Variants in NF1 observed in about 807,000 individuals in gnomAD.
NF1 encodes the protein neurofibromin 1, also known as neurofibromin.
NF1 carries 122 observed loss-of-function variants against 325.7 expected under a neutral mutation model. That is an observed-to-expected ratio of 0.37 (90% confidence interval 0.32 to 0.44). The LOEUF (loss-of-function observed/expected upper bound fraction) is 0.44, where lower values mean the gene tolerates loss of function less well. NF1 is among the 20% of genes least tolerant of loss of function. The probability of loss-of-function intolerance (pLI) is 1.00; values close to 1 mark genes in which losing one functional copy is unlikely to be tolerated. For missense variants in NF1, 2,140 were observed against 3,415.4 expected (o/e 0.63, Z 9.31); for synonymous variants, 1,091 against 1,186.0 (o/e 0.92, Z 1.65).
chr17:31,314,577 C>T (rs1352982125), intron 36 of NF1: 1 of 152,178 alleles, frequency 6.6e-6, no homozygotes, highest in African/African-American at 2.4e-5. Flanking sequence ...GTTATTTCCT[C>T]ATAATATAAA....
intron 1 of NF1, among the ~76,000 whole-genome samples, chr17:31,098,191 C>T (rs541216937): frequency 4.4e-4 from 66 of 150,800 alleles, no homozygotes; most frequent in African/African-American, 9.7e-4. Context: ...GTTCACCTTA[C>T]GGTTGAAAAT....
chr17:31,159,335 C>T (rs186599717), intron 3 of NF1, among the ~76,000 whole-genome samples: 2 of 152,236 alleles, frequency 1.3e-5, no homozygotes, highest in East Asian at 3.9e-4. Flanking sequence ...GTTTCAGCCA[C>T]GTATCTGTCT....
At chr17:31,210,047 T>C (rs749040442) in intron 12 of NF1, among the ~76,000 whole-genome samples, 1 of 152,190 alleles carries the variant, frequency 6.6e-6, no homozygotes, top group African/African-American at 2.4e-5. Flanking sequence ...AACAAATGCA[T>C]GGTTAATGAA....
intron 36 of NF1, among the ~76,000 whole-genome samples, chr17:31,308,595 A>G (rs1178843605): frequency 6.6e-6 from 1 of 152,056 alleles, no homozygotes; most frequent in Non-Finnish European, 1.5e-5. Flanking sequence ...CCTGCTAAAC[A>G]GACACTTCTA....
At chr17:31,304,546 G>T in intron 36 of NF1, 1 of 1,614,180 alleles carries the variant, frequency 6.2e-7, no homozygotes. Context: ...GGGTTTGTCA[G>T]ATTGGTTACT....
chr17:31,330,570 G>C, intron 39 of NF1, 72 bp downstream of exon 39: 1 of 1,172,232 alleles, frequency 8.5e-7, no homozygotes, highest in Non-Finnish European at 1.2e-6. Flanking sequence ...TTTCATTTCA[G>C]AATTTTCCAG....
intron 36 of NF1, among the ~76,000 whole-genome samples, chr17:31,270,425 A>C (rs2067870727): frequency 6.6e-6 from 1 of 152,176 alleles, no homozygotes; most frequent in Admixed American, 6.5e-5. Context: ...CTTGGGCAGC[A>C]TGGTGAAACC....
chr17:31,145,933 G>A (rs896408671), intron 1 of NF1, among the ~76,000 whole-genome samples: 12 of 152,148 alleles, frequency 7.9e-5, no homozygotes, highest in African/African-American at 2.9e-4. Flanking sequence ...TTATCCATGT[G>A]GAGAAACCAA....
At chr17:31,136,290 C>G (rs1258209583) in intron 1 of NF1, 1 of 137,148 alleles carries the variant, frequency 7.3e-6, no homozygotes, top group Admixed American at 8.2e-5. Context: ...GATTGTGCCA[C>G]TGCACTCCAG....
At chr17:31,326,512 G>A (rs1011669551) in intron 37 of NF1, among the ~76,000 whole-genome samples, 6 of 152,116 alleles carry the variant, frequency 3.9e-5, no homozygotes, top group Non-Finnish European at 8.8e-5. Flanking sequence ...GCCGGGTATG[G>A]TGGTGGGCAC....
intron 51 of NF1, among the ~76,000 whole-genome samples, chr17:31,355,422 G>A (rs1434323415): frequency 6.6e-6 from 1 of 152,032 alleles, no homozygotes; most frequent in Non-Finnish European, 1.5e-5. Context: ...CCTTTGGACT[G>A]TTAAATTATT....
At chr17:31,148,758 T>G (rs930281515) in intron 1 of NF1, among the ~76,000 whole-genome samples, 1 of 152,126 alleles carries the variant, frequency 6.6e-6, no homozygotes, top group African/African-American at 2.4e-5. Flanking sequence ...GTTCCTCTCT[T>G]TATACCATTA....
chr17:31,112,411 T>C (rs910595451), intron 1 of NF1, among the ~76,000 whole-genome samples: 2 of 152,212 alleles, frequency 1.3e-5, no homozygotes, highest in Non-Finnish European at 2.9e-5. Flanking sequence ...CAGCAGTATA[T>C]GAGAGTTTCA....
intron 57 of NF1, among the ~76,000 whole-genome samples, chr17:31,366,737 A>G (rs1032237662): frequency 6.6e-6 from 1 of 152,220 alleles, no homozygotes; most frequent in Non-Finnish European, 1.5e-5. Flanking sequence ...AAAGAAGGAA[A>G]AGAAATATCT....
intron 42 of NF1, 37 bp from the exon 43 acceptor site, chr17:31,337,331 A>G (rs2151555814): frequency 6.7e-7 from 1 of 1,499,622 alleles, no homozygotes; most frequent in Non-Finnish European, 9.3e-7. Context: ...AAAAAGTAAT[A>G]TTTTCTGTCT....
At chr17:31,345,822 A>G in intron 48 of NF1, 1 of 1,614,112 alleles carries the variant, frequency 6.2e-7, no homozygotes, top group Non-Finnish European at 8.5e-7. Context: ...AGCCCTGGAC[A>G]AAATCTGTGA....
At chr17:31,201,930 A>G (rs1452020396) in intron 11 of NF1, among the ~76,000 whole-genome samples, 1 of 152,206 alleles carries the variant, frequency 6.6e-6, no homozygotes, top group Non-Finnish European at 1.5e-5. Flanking sequence ...TGATGGGACT[A>G]TATTTGATGG....
In NF1 at chr17:31,117,590, G is replaced by A. The variant is rs1009096182; in HGVS notation, c.60+22221G>A. ...CGGGAGGCTGAGACAGGAGAATGAC[G>A]TGAACACGGGAGGCGGAGCTTGCAG... On this transcript the variant is annotated intron_variant, in intron 1 of 57. Transcript: ENST00000358273. 2.8e-5 allele frequency among the ~76,000 whole-genome samples: 4 copies of A among 143,170 alleles called. No homozygotes were observed. In the South Asian group the frequency reaches 6.6e-4, roughly 24 times the overall value. 93.9% of individuals were successfully genotyped at this position (143,170 alleles called of 152,430 possible).
chr17:31,377,100 G>T lies in NF1; in HGVS notation c.*2945G>T. 1 of 233,416 alleles carries T rather than the reference G, an allele frequency of 4.3e-6. No individual in the cohort carries two copies. Among genetic ancestry groups the T allele is most frequent in the East Asian group, 6.0e-5 (1 of 16,594 alleles). The allele number at this position is 233,416 out of a possible 1,614,324, so 14.5% of individuals were successfully genotyped here. Reference sequence around the variant, plus strand: ...TTTCTACATCCTTCCCCGACTCCCAGGCATAATGAGGCATGTCTTACTCAA... The same window carrying T: ...TTTCTACATCCTTCCCCGACTCCCATGCATAATGAGGCATGTCTTACTCAA... On this transcript the variant is annotated 3_prime_UTR_variant, in exon 58 of 58. Coordinates refer to ENST00000358273, the MANE Select transcript of NF1 (RefSeq NM_001042492.3).
Sources: gnomAD v4.1 joint callset for allele counts (sites outside exome capture counted in the v4.1 genomes callset) on GRCh38, gnomAD v4.1.1 for gene constraint, MANE v1.5 for transcripts, NCBI Gene and HGNC (gene_info 2026-07-23, HGNC 2026-07-21) for gene names.